Variants in NALF1 observed in about 807,000 individuals in gnomAD.
NALF1 encodes family with sequence similarity 155 member A.
In NALF1, 3 loss-of-function variants were observed where a neutral mutation model predicts 48.4. The ratio of observed to expected loss-of-function variants is 0.06; its 90% CI spans 0.03 to 0.16. The LOEUF (loss-of-function observed/expected upper bound fraction) is 0.16. NALF1 is among the 10% of genes least tolerant of loss of function. The probability of loss-of-function intolerance (pLI) is 1.00; values close to 1 mark genes in which losing one functional copy is unlikely to be tolerated. For synonymous variants in NALF1, 262 were observed against 245.7 expected, an observed-to-expected ratio of 1.07 and a Z score of -0.62; for missense variants, 526 against 571.5, an observed-to-expected ratio of 0.92 and a Z score of 0.81.
At chr13:107,688,555 GAACTT>G (rs1353560557) in intron 1 of NALF1, among the ~76,000 whole-genome samples, 2 of 152,024 alleles carry the variant, frequency 1.3e-5, no homozygotes, top group African/African-American at 4.8e-5. Flanking sequence ...ATTGTTTTTA[GAACTT>G]AACAGGAAAA....
intron 1 of NALF1, among the ~76,000 whole-genome samples, chr13:107,364,946 C>T (rs1202843562): frequency 1.1e-5 from 1 of 91,438 alleles, no homozygotes; most frequent in African/African-American, 4.3e-5. Context: ...TCCCACTCCC[C>T]CTCCTCATTT....
At chr13:107,559,927 C>G (rs1276131522) in intron 1 of NALF1, among the ~76,000 whole-genome samples, 1 of 152,048 alleles carries the variant, frequency 6.6e-6, no homozygotes, top group East Asian at 1.9e-4. Flanking sequence ...GAGATGGAAC[C>G]AGCTTGGACT....
chr13:107,250,114 T>C (rs1045930932), intron 1 of NALF1, among the ~76,000 whole-genome samples: 4 of 151,236 alleles, frequency 2.6e-5, no homozygotes, highest in Non-Finnish European at 4.4e-5. Flanking sequence ...CCAAGTTCCC[T>C]AGTTAATATT....
intron 2 of NALF1, among the ~76,000 whole-genome samples, chr13:107,192,043 G>A (rs1202377143): frequency 1.4e-5 from 2 of 138,612 alleles, no homozygotes; most frequent in Non-Finnish European, 3.0e-5. Context: ...GACCGATGAT[G>A]AGAGAGAGAG....
At chr13:107,172,069 T>C (rs978657808) in intron 2 of NALF1, among the ~76,000 whole-genome samples, 12 of 152,316 alleles carry the variant, frequency 7.9e-5, no homozygotes, top group Admixed American at 5.2e-4. Context: ...TCCTGAAGCA[T>C]TGGCTCTTCC....
At position 107,248,903 on chromosome 13, in the gene NALF1, C is replaced by T. The variant is rs983678744; in HGVS notation, c.916-38148G>A. Among the ~76,000 whole-genome samples the T allele has an allele frequency of 3.5e-5, 5 of 143,972 alleles. No individual in the cohort carries two copies. The South Asian group carries it at 1.0e-3, about 30-fold the overall frequency. The allele number at this position is 143,972 out of a possible 152,430, so 94.5% of individuals were successfully genotyped here. On this transcript the variant is annotated intron_variant, in intron 1 of 2. Transcript: ENST00000375915. ...AATAAACAGTACAATACAGACAATT[C>T]AAAAAAAATTTCTGGAGAGTTGATT...
intron 1 of NALF1, among the ~76,000 whole-genome samples, chr13:107,562,736 C>T (rs1009680124): frequency 1.3e-5 from 2 of 152,164 alleles, no homozygotes; most frequent in Non-Finnish European, 2.9e-5. Context: ...GCCTTGTGCT[C>T]CTGGCTAAAA....
At chr13:107,815,752 G>GGCC (rs1168340087) in intron 1 of NALF1, among the ~76,000 whole-genome samples, 3 of 152,098 alleles carry the variant, frequency 2.0e-5, no homozygotes, top group Non-Finnish European at 4.4e-5. Context: ...CCATCAACTG[G>GGCC]TGAATGGATA....
intron 2 of NALF1, among the ~76,000 whole-genome samples, chr13:107,187,484 G>C (rs1879199784): frequency 6.6e-6 from 1 of 152,160 alleles, no homozygotes; most frequent in Admixed American, 6.5e-5. Flanking sequence ...AAACAAGTAG[G>C]CCCATTGCAG....
chr13:107,782,822 G>T (rs1395623658), intron 1 of NALF1, among the ~76,000 whole-genome samples: 2 of 149,868 alleles, frequency 1.3e-5, no homozygotes, highest in African/African-American at 4.9e-5. Context: ...CTTGGCAACC[G>T]CCCCGTCTGA....
At position 107,170,537 on chromosome 13, in the gene NALF1, C is replaced by A. The variant is rs1878778753; in HGVS notation, c.1337G>T (p.Gly446Val). 3.7e-6 allele frequency: 6 copies of A among 1,609,040 alleles called. No individual in the cohort carries two copies. In the Admixed American group the frequency reaches 1.0e-4, roughly 27 times the overall value. Residue 446 changes from glycine (G) to valine (V), a missense_variant, in exon 3 of 3, where the codon GGC becomes GTC. Gly to Val is a moderately radical substitution (Grantham distance 109). This residue lies in a region of NALF1 where 153 missense variants were observed against 215.9 expected (regional missense o/e 0.71). Transcript: ENST00000375915. ...TGAGTTTTCTTCCAGCGTGTTGATG[C>A]CTCCAAAGCTCAGTCCGGCTGTGTT... ...AQNTAGLSFG[G>V]INTLEENSTN... is the part of the protein sequence containing the mutation.
chr13:107,308,762 G>A (rs1221066928), intron 1 of NALF1, among the ~76,000 whole-genome samples: 1 of 152,168 alleles, frequency 6.6e-6, no homozygotes, highest in African/African-American at 2.4e-5. Context: ...AATCAATCCT[G>A]AATATGAAAA....
intron 1 of NALF1, among the ~76,000 whole-genome samples, chr13:107,375,186 G>A (rs1480864029): frequency 6.6e-6 from 1 of 152,096 alleles, no homozygotes; most frequent in Non-Finnish European, 1.5e-5. Context: ...GCAAATAAAT[G>A]TCTTCGGCTG....
chr13:107,760,314 A>G (rs1877229165), intron 1 of NALF1, among the ~76,000 whole-genome samples: 1 of 51,604 alleles, frequency 1.9e-5, no homozygotes, highest in Non-Finnish European at 3.4e-5. Context: ...GAAGATTTTA[A>G]AAATCAACAT....
intron 1 of NALF1, among the ~76,000 whole-genome samples, chr13:107,589,187 T>A (rs549918855): frequency 6.6e-6 from 1 of 152,078 alleles, no homozygotes; most frequent in African/African-American, 2.4e-5. Context: ...TGTCCTTTCT[T>A]CTGCTTTTTA....
At chr13:107,236,671 GTCTATCTATCTATCTATCTATCTA>G (rs72391192) in intron 1 of NALF1, among the ~76,000 whole-genome samples, 250 of 140,720 alleles carry the variant, frequency 1.8e-3, no homozygotes, top group African/African-American at 5.3e-3. Flanking sequence ...CCATCTGTCT[GTCTATCTATCTATCTATCTATCTA>G]TCTATCTATC....
chr13:107,430,330 T>A (rs1249282946), intron 1 of NALF1, among the ~76,000 whole-genome samples: 1 of 152,090 alleles, frequency 6.6e-6, no homozygotes, highest in Non-Finnish European at 1.5e-5. Context: ...AGCGTACATG[T>A]GCACAACATG....
chr13:107,440,660 C>T (rs1208451702), intron 1 of NALF1, among the ~76,000 whole-genome samples: 1 of 152,096 alleles, frequency 6.6e-6, no homozygotes, highest in African/African-American at 2.4e-5. Flanking sequence ...GCTGATTCTG[C>T]ACGTGTTTTT....
rs1033371763 is a variant in NALF1 at position 107,275,219 on chromosome 13, A to G, written c.916-64464T>C. On this transcript the variant is annotated intron_variant, in intron 1 of 2. Transcript: ENST00000375915. ...CTCCTTTTTTAAAGTAAATTATTTT[A>G]AAGATTAAAATTTCAAAAGTATCTA... is the stretch of plus-strand genomic sequence containing the variant. 2.6e-5 allele frequency among the ~76,000 whole-genome samples: 4 copies of G among 152,350 alleles called. No homozygotes were observed. The East Asian group carries it at 7.7e-4, about 29-fold the overall frequency.
Sources: allele counts gnomAD v4.1 joint callset (sites outside exome capture counted in the v4.1 genomes callset), GRCh38; gene constraint gnomAD v4.1.1; regional missense constraint gnomAD v4.1.1; transcripts MANE v1.5; gene names NCBI Gene and HGNC (gene_info 2026-07-23, HGNC 2026-07-21).